The following ATF6B variants were observed in gnomAD, a reference collection of about 807,000 sequenced individuals.
ATF6B encodes cyclic AMP-dependent transcription factor ATF-6 beta.
Under a neutral mutation model 83.5 loss-of-function variants are expected in ATF6B, and 50 were observed. That is an observed-to-expected ratio of 0.60 (90% CI 0.48 to 0.76). The LOEUF (loss-of-function observed/expected upper bound fraction) is 0.76. Ranked by LOEUF, ATF6B falls within the 30% of genes least tolerant of loss-of-function variation. The probability of loss-of-function intolerance (pLI) is 0.00; values close to 1 mark genes in which losing one functional copy is unlikely to be tolerated. For synonymous variants in ATF6B, 344 were observed against 362.8 expected (o/e 0.95, Z 0.59); for missense variants, 790 against 893.8 (o/e 0.88, Z 1.48).
At chr6:32,127,256 C>A (rs994117388) in intron 3 of ATF6B, 62 bp from the exon 4 acceptor site, 2 of 1,481,966 alleles carry the variant, frequency 1.3e-6, no homozygotes, top group East Asian at 2.4e-5. Context: ...CAAAAAGTAC[C>A]CAAGGACATG....
chr6:32,127,323 G>A lies in ATF6B; in HGVS notation c.250+119C>T, dbSNP rs1424906645. Reference sequence around the variant, plus strand: ...GAAGAAACAAAAATAGGGGATTGAAGGAGAGAGGATAGGCACTTATGTAGA... The same window carrying A: ...GAAGAAACAAAAATAGGGGATTGAAAGAGAGAGGATAGGCACTTATGTAGA... On this transcript the variant is annotated intron_variant, in intron 3 of 17. Transcript: ENST00000375203. 5.1e-6 allele frequency: 7 copies of A among 1,362,718 alleles called. No individual in the cohort carries two copies. The South Asian group carries it at 8.2e-5, about 16-fold the overall frequency. 84.4% of individuals were successfully genotyped at this position (1,362,718 alleles called of 1,614,324 possible).
At chr6:32,127,813 G>T in intron 1 of ATF6B, 63 bp from the exon 2 acceptor site, 1 of 1,544,022 alleles carries the variant, frequency 6.5e-7, no homozygotes, top group Non-Finnish European at 8.9e-7. Flanking sequence ...TCGCACACAA[G>T]CCCCCGCCCC....
chr6:32,128,170 G>C lies in ATF6B; in HGVS notation c.38C>G (p.Pro13Arg). The C allele has an allele frequency of 6.2e-7, 1 of 1,612,676 alleles. No individual in the cohort carries two copies. The highest frequency in any genetic ancestry group is 8.5e-7 in the Non-Finnish European group (1 of 1,179,824). ...CAGGTTGTCGGTGAAGAAACGCGTCGGGTCAGCAATCTCGCTGAGCAGCAT... is the reference window on the plus strand; with the variant it reads ...CAGGTTGTCGGTGAAGAAACGCGTCCGGTCAGCAATCTCGCTGAGCAGCAT... ...ELMLLSEIAD[P>R]TRFFTDNLLS... The change falls in exon 1 of 18, where the codon CCG becomes CGG. Residue 13 changes from proline (P) to arginine (R), a missense_variant. This residue lies in a region of ATF6B where 253 missense variants were observed against 243.1 expected (regional missense o/e 1.04). Transcript: ENST00000375203.
chr6:32,116,674 G>A lies in ATF6B; in HGVS notation c.1797+30C>T, dbSNP rs765905521. 1.2e-6 allele frequency: 2 copies of A among 1,610,378 alleles called. No individual in the cohort carries two copies. The highest frequency in any genetic ancestry group is 1.7e-5 in the Admixed American group (1 of 60,024). ...AGACAGACTGCTGGGAACCTGGGGT[G>A]ACAGAGATGGAAGGGCAGGAGAAAC... On this transcript the variant is annotated intron_variant, in intron 16 of 17. Transcript: ENST00000375203. The surrounding 1 kb of genome is among the most constrained non-coding windows in gnomAD (Gnocchi z 5.1).
chr6:32,124,655 C>T (rs771739478), intron 5 of ATF6B, among the ~76,000 whole-genome samples: 2 of 152,156 alleles, frequency 1.3e-5, no homozygotes, highest in Non-Finnish European at 2.9e-5. Flanking sequence ...CATCACTCCC[C>T]AAATCCTTCT....
At chr6:32,122,841 G>T (rs1469787351) in intron 5 of ATF6B, among the ~76,000 whole-genome samples, 69 of 128,346 alleles carry the variant, frequency 5.4e-4, no homozygotes, top group African/African-American at 1.8e-3. Context: ...GCGAGACTCT[G>T]TCTCAAAAAA....
intron 4 of ATF6B, among the ~76,000 whole-genome samples, 179 bp downstream of exon 4, chr6:32,126,924 G>A (rs1222842124): frequency 6.6e-6 from 1 of 152,204 alleles, no homozygotes; most frequent in Non-Finnish European, 1.5e-5. Flanking sequence ...AACCAAAGGG[G>A]ATGTGGAAAA....
At chr6:32,127,286 C>T (rs1250826752) in intron 3 of ATF6B, 92 bp from the exon 4 acceptor site, 2 of 1,389,558 alleles carry the variant, frequency 1.4e-6, no homozygotes, top group Non-Finnish European at 2.0e-6. Flanking sequence ...ATTCCTGTAC[C>T]GCAGCAAGGG....
chr6:32,117,567 C>T lies in ATF6B; in HGVS notation c.1532+20G>A, dbSNP rs766822963. The stretch of plus-strand genomic sequence containing the variant: ...TTGGGAGGCCGGGGGAGCTGGATGC[C>T]CCAGCAATGAATCCCACACCTCAGG... On this transcript the variant is annotated intron_variant, in intron 13 of 17. Coordinates refer to ENST00000375203, the MANE Select transcript of ATF6B (RefSeq NM_004381.5). The surrounding 1 kb of genome is among the most constrained non-coding windows in gnomAD (Gnocchi z 5.0). 6.2e-7 allele frequency: 1 copy of T among 1,611,348 alleles called. No homozygotes were observed. Among genetic ancestry groups the T allele is most frequent in the Non-Finnish European group, 8.5e-7 (1 of 1,178,056 alleles).
intron 3 of ATF6B, 75 bp downstream of exon 3, chr6:32,127,367 G>A (rs1782026421): frequency 3.3e-6 from 5 of 1,502,648 alleles, no homozygotes; most frequent in African/African-American, 2.8e-5. Context: ...GATATAGGAA[G>A]CTACGTAGTT....
At chr6:32,123,540 C>T (rs866528774) in intron 5 of ATF6B, among the ~76,000 whole-genome samples, 1 of 152,090 alleles carries the variant, frequency 6.6e-6, no homozygotes, top group Admixed American at 6.6e-5. Flanking sequence ...AGGTGCCTGC[C>T]ACCATGCCTG....
chr6:32,117,078 T>C lies in ATF6B; in HGVS notation c.1644A>G (p.Pro548=), dbSNP rs1781559665. 2.5e-6 allele frequency: 4 copies of C among 1,614,070 alleles called. No homozygotes were observed. Among genetic ancestry groups the C allele is most frequent in the Non-Finnish European group, 3.4e-6 (4 of 1,179,972 alleles). ...QKSQPRKKSP[P]VKAVPIQPPG... ...GGGGTTGGATGGGGACTGCCTTAAC[T>C]GGAGGTGACTTCTTCCGTGGCTGAG... is the stretch of plus-strand genomic sequence containing the variant. Residue 548 remains proline, a synonymous_variant, in exon 15 of 18, where the codon CCA becomes CCG. Coordinates refer to ENST00000375203, the MANE Select transcript of ATF6B (RefSeq NM_004381.5). The surrounding 1 kb of genome is among the most constrained non-coding windows in gnomAD (Gnocchi z 5.0).
Position 32,116,885 on chromosome 6 carries a change from T to C in ATF6B, c.1686-70A>G, listed in dbSNP as rs564307366. 4 of 1,569,032 alleles carry C rather than the reference T, an allele frequency of 2.5e-6. No individual in the cohort carries two copies. Among genetic ancestry groups the C allele is most frequent in the East Asian group, 2.2e-5 (1 of 44,500 alleles). On this transcript the variant is annotated intron_variant, in intron 15 of 17. Coordinates refer to ENST00000375203, the MANE Select transcript of ATF6B (RefSeq NM_004381.5). This position sits in a 1 kb window ranked among gnomAD's most constrained non-coding sequence, Gnocchi z 5.1. Reference sequence around the variant, plus strand: ...GCTCAGTTTCTACCAGGGAAGCGGGTAGGATGAGAGAAAAAGACAGGAGAC... The same window carrying C: ...GCTCAGTTTCTACCAGGGAAGCGGGCAGGATGAGAGAAAAAGACAGGAGAC...
rs771673398 is a variant in ATF6B, at chr6:32,126,226, A to G, written c.369T>C (p.His123=). ...GGGGTGCCAAGGACTCTGTCTTCAC[A>G]TGGAGCACCTCCCCTACCCCAAGAG... ...SEALGVGEVL[H]VKTESLAPPL... is the part of the protein sequence containing the mutation. Residue 123 remains histidine (H), a synonymous_variant, in exon 5 of 18, where the codon CAT becomes CAC. Coordinates refer to ENST00000375203, the MANE Select transcript of ATF6B (RefSeq NM_004381.5). The G allele has an allele frequency of 6.2e-7, 1 of 1,614,084 alleles. No individual in the cohort carries two copies. Among genetic ancestry groups the G allele is most frequent in the Non-Finnish European group, 8.5e-7 (1 of 1,180,002 alleles).
chr6:32,116,682 T>G lies in ATF6B; in HGVS notation c.1797+22A>C, dbSNP rs1250196390. 4 of 1,610,850 alleles carry G rather than the reference T, an allele frequency of 2.5e-6. No individual in the cohort carries two copies. Among genetic ancestry groups the G allele is most frequent in the African/African-American group, 1.3e-5 (1 of 74,820 alleles). The stretch of plus-strand genomic sequence containing the variant: ...TGCTGGGAACCTGGGGTGACAGAGA[T>G]GGAAGGGCAGGAGAAACTCACCCTT... On this transcript the variant is annotated intron_variant, in intron 16 of 17. Transcript: ENST00000375203. The surrounding 1 kb of genome is among the most constrained non-coding windows in gnomAD (Gnocchi z 5.1).
intron 4 of ATF6B, among the ~76,000 whole-genome samples, chr6:32,126,826 C>G (rs935354774): frequency 3.3e-5 from 5 of 152,058 alleles, no homozygotes; most frequent in African/African-American, 1.2e-4. Context: ...TGTCACTACA[C>G]TGTAGTTTGG....
In ATF6B at chr6:32,128,136, C is replaced by T. The variant is rs766873233; in HGVS notation, c.72G>A (p.Pro24=). ...CCTCACTCTGCAGACCCCAGTCCTC[C>T]GGGCTAAGCAGGTTGTCGGTGAAGA... is the stretch of plus-strand genomic sequence containing the variant. The part of the protein sequence containing the change: ...TRFFTDNLLS[P]EDWGLQNSTL... Residue 24 remains proline, a synonymous_variant, in exon 1 of 18, where the codon CCG becomes CCA. Transcript: ENST00000375203. The T allele has an allele frequency of 1.9e-6, 3 of 1,613,358 alleles. 1 individual carries two copies. Among genetic ancestry groups the T allele is most frequent in the South Asian group, 2.2e-5 (2 of 91,084 alleles).
In ATF6B at chr6:32,119,726, G is replaced by A. The variant is rs749160231; in HGVS notation, c.966+98C>T. 1.9e-5 allele frequency: 28 copies of A among 1,513,220 alleles called. No individual in the cohort carries two copies. The African/African-American group carries it at 2.4e-4, about 13-fold the overall frequency. 93.7% of individuals were successfully genotyped at this position (1,513,220 alleles called of 1,614,324 possible). On this transcript the variant is annotated intron_variant, in intron 9 of 17. Transcript: ENST00000375203. The surrounding 1 kb of genome is among the most constrained non-coding windows in gnomAD (Gnocchi z 4.9). ...TCCGTTTCCTCACTTTTTTCTCCTA[G>A]GTATCGACTCCCTCCTCATCCCACA...
chr6:32,116,631 T>C lies in ATF6B; in HGVS notation c.1798-67A>G. On this transcript the variant is annotated intron_variant, in intron 16 of 17. Transcript: ENST00000375203. This position sits in a 1 kb window ranked among gnomAD's most constrained non-coding sequence, Gnocchi z 5.1. ...ATGCCAACAAGCTCCCCAGCCCTAC[T>C]CTACATCCCCCCACTGAAGACAGAC... 1.2e-6 allele frequency: 2 copies of C among 1,604,374 alleles called. No individual in the cohort carries two copies. The highest frequency in any genetic ancestry group is 4.5e-5 in the East Asian group (2 of 44,802).
Sources: gnomAD v4.1 joint callset for allele counts (sites outside exome capture counted in the v4.1 genomes callset) on GRCh38, gnomAD v4.1.1 for gene constraint, gnomAD v4.1.1 regional missense constraint, Gnocchi (gnomAD v3.1) non-coding constraint, MANE v1.5 for transcripts, NCBI Gene and HGNC (gene_info 2026-07-23, HGNC 2026-07-21) for gene names.